The following JAZF1 variants were observed in gnomAD, a reference collection of about 807,000 sequenced individuals.
JAZF1 encodes juxtaposed with another zinc finger protein 1.
A neutral mutation model predicts 26.4 loss-of-function variants in JAZF1; 8 were observed. The observed-to-expected ratio is 0.30, with a 90% CI of 0.18 to 0.55. The LOEUF (loss-of-function observed/expected upper bound fraction) is 0.55. Among genes scored for constraint, JAZF1 ranks in the 20% least tolerant of loss-of-function variants. The probability of loss-of-function intolerance (pLI) is 0.94; values close to 1 mark genes in which losing one functional copy is unlikely to be tolerated. For synonymous variants in JAZF1, 126 were observed against 122.3 expected (o/e 1.03, Z -0.20); for missense variants, 199 against 322.0 (o/e 0.62, Z 2.92).
chr7:27,923,437 A>G (rs1212298168), intron 2 of JAZF1, among the ~76,000 whole-genome samples: 2 of 152,216 alleles, frequency 1.3e-5, no homozygotes, highest in Admixed American at 6.5e-5. Flanking sequence ...CTCTATCCCA[A>G]CTTTGCAGAG....
At chr7:27,837,015 CTCA>C (rs1196925210) in intron 4 of JAZF1, among the ~76,000 whole-genome samples, 1 of 152,164 alleles carries the variant, frequency 6.6e-6, no homozygotes, top group Non-Finnish European at 1.5e-5. Flanking sequence ...TGAGCACTCC[CTCA>C]TCATTAAATG....
Position 28,047,757 on chromosome 7 carries a change from A to C in JAZF1, c.116-55776T>G, listed in dbSNP as rs537390564. Among the ~76,000 whole-genome samples the C allele has an allele frequency of 2.6e-5, 4 of 152,284 alleles. No homozygotes were observed. The South Asian group carries it at 8.3e-4, about 32-fold the overall frequency. ...GGCCTTTTATGCCGTTAACTAAGCAAATTACACTGATTTCCTAATATTGGA... is the reference window on the plus strand; with the variant it reads ...GGCCTTTTATGCCGTTAACTAAGCACATTACACTGATTTCCTAATATTGGA... On this transcript the variant is annotated intron_variant, in intron 1 of 4. Coordinates refer to ENST00000283928, the MANE Select transcript of JAZF1 (RefSeq NM_175061.4).
intron 1 of JAZF1, among the ~76,000 whole-genome samples, chr7:28,011,862 G>C (rs1321416266): frequency 6.6e-6 from 1 of 152,068 alleles, no homozygotes; most frequent in Non-Finnish European, 1.5e-5. Context: ...GCCTAGATGT[G>C]TCTCCCCATT....
chr7:27,883,966 C>A (rs1482055137), intron 3 of JAZF1, among the ~76,000 whole-genome samples: 1 of 152,212 alleles, frequency 6.6e-6, no homozygotes, highest in Non-Finnish European at 1.5e-5. Context: ...TTTTCAAACT[C>A]AAACTACTGC....
rs139032687 is a variant in JAZF1, at chr7:28,105,109, G to A, written c.115+75354C>T. On this transcript the variant is annotated intron_variant, in intron 1 of 4. Coordinates refer to ENST00000283928, the MANE Select transcript of JAZF1 (RefSeq NM_175061.4). ...AAAACTGCATGTTAGGTTATGACAT[G>A]TCCGGATTTTTTTTTAGAGACACCA... is the stretch of plus-strand genomic sequence containing the variant. Among the ~76,000 whole-genome samples, 513 of 152,206 alleles carry A rather than the reference G, an allele frequency of 3.4e-3. 3 individuals are homozygous for A. The highest frequency in any genetic ancestry group is 0.012 in the African/African-American group (496 of 41,538).
intron 2 of JAZF1, among the ~76,000 whole-genome samples, chr7:27,908,593 T>G (rs1784303880): frequency 6.6e-6 from 1 of 152,182 alleles, no homozygotes; most frequent in African/African-American, 2.4e-5. Context: ...CAAACCAGAA[T>G]GGAGTTGCTC....
chr7:28,004,675 T>C (rs1160094317), intron 1 of JAZF1, among the ~76,000 whole-genome samples: 2 of 152,136 alleles, frequency 1.3e-5, no homozygotes, highest in Non-Finnish European at 2.9e-5. Flanking sequence ...TTTTCTGAGA[T>C]GAAGTCTTGC....
rs1783524345 is a variant in JAZF1, at chr7:28,174,821, G to GTGTGT, written c.115+5641_115+5642insACACA. 1.1e-3 allele frequency among the ~76,000 whole-genome samples: 117 copies of GTGTGT among 107,798 alleles called. 21 individuals carry two copies. Among genetic ancestry groups the GTGTGT allele is most frequent in the African/African-American group, 8.9e-4 (32 of 35,868 alleles). The allele number at this position is 107,798 out of a possible 152,430, so 70.7% of individuals were successfully genotyped here. The stretch of plus-strand genomic sequence containing the variant: ...CCTGATCCTGCCTATGGGGTGTGTG[G>GTGTGT]GTGTGTGTGTGTGTGTGTGTGTGTG... On this transcript the variant is annotated intron_variant, in intron 1 of 4. Transcript: ENST00000283928.
intron 1 of JAZF1, among the ~76,000 whole-genome samples, chr7:28,141,735 C>T (rs1449471471): frequency 6.6e-6 from 1 of 152,180 alleles, no homozygotes; most frequent in Non-Finnish European, 1.5e-5. Context: ...AGATACTTTA[C>T]ATATAGTTCT....
At chr7:28,039,096 T>G (rs1783345263) in intron 1 of JAZF1, among the ~76,000 whole-genome samples, 1 of 152,206 alleles carries the variant, frequency 6.6e-6, no homozygotes, top group African/African-American at 2.4e-5. Flanking sequence ...TTAAAAAGAT[T>G]CATGATTGCT....
intron 2 of JAZF1, among the ~76,000 whole-genome samples, chr7:27,930,913 G>T (rs1005098823): frequency 3.9e-5 from 6 of 151,934 alleles, no homozygotes; most frequent in African/African-American, 1.5e-4. Flanking sequence ...GGTATTATAT[G>T]ACCAGTAATT....
intron 1 of JAZF1, among the ~76,000 whole-genome samples, chr7:28,122,786 T>C (rs17156432): frequency 0.099 from 15,006 of 152,120 alleles, 1,302 homozygotes; most frequent in East Asian, 0.47. Context: ...CCTCCATAGT[T>C]ATAGGGAGAT....
intron 2 of JAZF1, among the ~76,000 whole-genome samples, chr7:27,928,356 T>C (rs1205170681): frequency 6.6e-6 from 1 of 152,254 alleles, no homozygotes; most frequent in Admixed American, 6.5e-5. Flanking sequence ...ACTTTCATAG[T>C]AATTTTGAAT....
intron 4 of JAZF1, among the ~76,000 whole-genome samples, chr7:27,839,001 G>A (rs1263428552): frequency 6.6e-6 from 1 of 152,144 alleles, no homozygotes; most frequent in African/African-American, 2.4e-5. Context: ...CAGACACAGA[G>A]AACGGAAGGG....
chr7:28,164,753 C>T (rs1783340697), intron 1 of JAZF1, among the ~76,000 whole-genome samples: 1 of 152,190 alleles, frequency 6.6e-6, no homozygotes, highest in African/African-American at 2.4e-5. Context: ...CCTCCCCTGC[C>T]CCCATTTCTG....
chr7:27,876,233 C>A (rs1783677361), intron 3 of JAZF1, among the ~76,000 whole-genome samples: 1 of 152,214 alleles, frequency 6.6e-6, no homozygotes, highest in Non-Finnish European at 1.5e-5. Context: ...GACAGAGGGT[C>A]TCTCTTCAAC....
chr7:28,051,045 T>A (rs1783603975), intron 1 of JAZF1, among the ~76,000 whole-genome samples: 1 of 147,252 alleles, frequency 6.8e-6, no homozygotes, highest in Admixed American at 7.0e-5. Flanking sequence ...GACAGGAGAA[T>A]CGCGTGAACC....
intron 2 of JAZF1, among the ~76,000 whole-genome samples, chr7:27,935,936 G>C (rs1283007270): frequency 6.6e-6 from 1 of 152,178 alleles, no homozygotes; most frequent in Non-Finnish European, 1.5e-5. Context: ...GCCAGGACTA[G>C]GGTGAGGAGT....
rs78483136 is a variant in JAZF1, at chr7:28,172,390, C to T, written c.115+8073G>A. On this transcript the variant is annotated intron_variant, in intron 1 of 4. Transcript: ENST00000283928. Reference sequence around the variant, plus strand: ...AAATCCAGGACATTTCAAGTTTTCTCGTGCAATGACTAACTTTAAATATTC... The same window carrying T: ...AAATCCAGGACATTTCAAGTTTTCTTGTGCAATGACTAACTTTAAATATTC... Among the ~76,000 whole-genome samples the T allele has an allele frequency of 8.7e-4, 133 of 152,254 alleles. 1 individual carries two copies. In the East Asian group the frequency reaches 0.023, roughly 26 times the overall value.
Sources: gnomAD v4.1 joint callset for allele counts (sites outside exome capture counted in the v4.1 genomes callset) on GRCh38, gnomAD v4.1.1 for gene constraint, MANE v1.5 for transcripts, NCBI Gene and HGNC (gene_info 2026-07-23, HGNC 2026-07-21) for gene names.